PSMD6: variants seen among roughly 807,000 people sequenced by gnomAD.
PSMD6 encodes the protein 26S proteasome non-ATPase regulatory subunit 6.
PSMD6 carries 7 observed loss-of-function variants against 44.9 expected under a neutral mutation model. The ratio of observed to expected loss-of-function variants is 0.16; its 90% CI spans 0.09 to 0.29. The LOEUF (loss-of-function observed/expected upper bound fraction) is 0.29. PSMD6 is among the 10% of genes least tolerant of loss of function. The pLI, the probability that PSMD6 is intolerant of heterozygous loss-of-function variation, is 1.00. For missense variants in PSMD6, 420 were observed against 482.6 expected, an observed-to-expected ratio of 0.87 and a Z score of 1.21; for synonymous variants, 184 against 172.7, an observed-to-expected ratio of 1.07 and a Z score of -0.51.
chr3:64,019,539 G>A, intron 2 of PSMD6, 98 bp from the exon 3 acceptor site: 3 of 1,349,076 alleles, frequency 2.2e-6, no homozygotes, highest in African/African-American at 2.9e-5. Flanking sequence ...GAGGGAAGAG[G>A]TAGGAGTAGA....
intron 5 of PSMD6, chr3:64,018,377 A>C (rs1395368375): frequency 5.2e-6 from 2 of 386,764 alleles, no homozygotes; most frequent in Admixed American, 4.2e-5. Flanking sequence ...CAACACTTTA[A>C]AAATGTAAAA....
At chr3:64,020,236 T>G (rs894167073) in intron 2 of PSMD6, among the ~76,000 whole-genome samples, 2 of 152,018 alleles carry the variant, frequency 1.3e-5, no homozygotes, top group Non-Finnish European at 2.9e-5. Flanking sequence ...CTTAGCACCA[T>G]AAAGAATAAG....
At chr3:64,011,060 TCCCTTCAAG>T (rs2106835123) in intron 6 of PSMD6, 105 bp from the exon 7 acceptor site, 1 of 947,484 alleles carries the variant, frequency 1.1e-6, no homozygotes, top group East Asian at 2.5e-5. Flanking sequence ...ACATTTAGCT[TCCCTTCAAG>T]CTTGTTATTG....
rs778717130 is a variant in PSMD6, at chr3:64,018,581, TATCA to T, written c.826+14_826+17del. 1 of 1,499,042 alleles carries T rather than the reference TATCA, an allele frequency of 6.7e-7. No individual in the cohort carries two copies. Among genetic ancestry groups the T allele is most frequent in the South Asian group, 1.2e-5 (1 of 84,984 alleles). 92.9% of individuals were successfully genotyped at this position (1,499,042 alleles called of 1,614,324 possible). ...TAAGATGAAGACAGATAATCAAAAA[TATCA>T]ACCCTATCCTTACCTAATGATTGGA... On this transcript the variant is annotated intron_variant, in intron 5 of 7. Coordinates refer to ENST00000295901, the MANE Select transcript of PSMD6 (RefSeq NM_014814.3).
chr3:64,020,399 A>G (rs565299970), intron 2 of PSMD6, among the ~76,000 whole-genome samples: 42 of 152,320 alleles, frequency 2.8e-4, no homozygotes, highest in Non-Finnish European at 4.6e-4. Context: ...CAGAGGAAAT[A>G]TAATATTAGA....
intron 5 of PSMD6, chr3:64,014,839 C>T (rs1576028399): frequency 1.3e-5 from 2 of 152,218 alleles, no homozygotes; most frequent in African/African-American, 4.8e-5. Context: ...TGAATTTGTC[C>T]ATCACTGCCA....
chr3:64,021,191 G>A (rs899835178), intron 2 of PSMD6, among the ~76,000 whole-genome samples: 2 of 152,132 alleles, frequency 1.3e-5, no homozygotes, highest in African/African-American at 4.8e-5. Context: ...GCAGCAGTTT[G>A]CTAAAGCAAA....
upstream of PSMD6, chr3:64,023,643 CT>C (rs919325859): frequency 2.4e-5 from 35 of 1,437,368 alleles, no homozygotes; most frequent in Non-Finnish European, 3.0e-5. Context: ...TCAAGGCCCC[CT>C]GCGGAGTCCC....
rs1408509947 is a variant in PSMD6, at chr3:64,010,602, G to GTGAAGTAA, written c.*58_*65dup. On this transcript the variant is annotated 3_prime_UTR_variant, in exon 8 of 8. Coordinates refer to ENST00000295901, the MANE Select transcript of PSMD6 (RefSeq NM_014814.3). ...TTTATACAGCTGACCTGGGCACATT[G>GTGAAGTAA]TGAAGTAAGCTATAAAAATTCCAAA... 8.4e-7 allele frequency: 1 copy of GTGAAGTAA among 1,184,316 alleles called. No homozygotes were observed. Among genetic ancestry groups the GTGAAGTAA allele is most frequent in the East Asian group, 2.4e-5 (1 of 41,214 alleles). The allele number at this position is 1,184,316 out of a possible 1,614,324, so 73.4% of individuals were successfully genotyped here.
intron 5 of PSMD6, chr3:64,015,993 C>T (rs2076037573): frequency 6.6e-6 from 1 of 152,052 alleles, no homozygotes; most frequent in Non-Finnish European, 1.5e-5. Flanking sequence ...CAAGACGATC[C>T]TGGCTAACAC....
At chr3:64,023,837 T>A (rs1167976090), upstream of PSMD6, 1 of 1,466,484 alleles carries the variant, frequency 6.8e-7, no homozygotes, top group East Asian at 2.5e-5. Flanking sequence ...CTCATTCATC[T>A]TATTAAAATC....
intron 5 of PSMD6, chr3:64,016,911 T>C (rs2076052990): frequency 6.6e-6 from 1 of 152,144 alleles, no homozygotes; most frequent in African/African-American, 2.4e-5. Context: ...CAAAAATCTA[T>C]GAACTAATGA....
intron 1 of PSMD6, chr3:64,022,782 C>A: frequency 5.2e-6 from 8 of 1,536,240 alleles, no homozygotes; most frequent in Non-Finnish European, 6.1e-6. Flanking sequence ...TTTGCTCTTG[C>A]CGGATTCTGT....
chr3:64,022,502 G>C lies in PSMD6; in HGVS notation c.167C>G (p.Ala56Gly), dbSNP rs773555838. The change falls in exon 2 of 8, where the codon GCC becomes GGC. Residue 56 changes from alanine (A) to glycine (G), a missense_variant. This residue lies in a region of PSMD6 where 136 missense variants were observed against 124.2 expected (regional missense o/e 1.09). Transcript: ENST00000295901. The part of the protein sequence containing the change: ...RDNNMAPYYE[A>G]LCKSLDWQID... ...CTGCCAGTCGAGGGATTTGCACAAG[G>C]CTTCATAGTAAGGAGCCATGTCTAA... is the stretch of plus-strand genomic sequence containing the variant. 1.9e-6 allele frequency: 3 copies of C among 1,613,914 alleles called. No homozygotes were observed. Among genetic ancestry groups the C allele is most frequent in the East Asian group, 2.2e-5 (1 of 44,878 alleles).
intron 6 of PSMD6, 106 bp downstream of exon 6, chr3:64,013,333 G>T: frequency 8.4e-7 from 1 of 1,196,592 alleles, no homozygotes; most frequent in Non-Finnish European, 1.1e-6. Context: ...TCCCCTCCCC[G>T]TTAAGATTGA....
intron 2 of PSMD6, among the ~76,000 whole-genome samples, chr3:64,020,501 G>C (rs559774215): frequency 7.2e-5 from 11 of 152,214 alleles, no homozygotes; most frequent in Admixed American, 2.6e-4. Flanking sequence ...TCATTCATAT[G>C]TAATATATTA....
chr3:64,012,239 T>TAA (rs2075969247), intron 6 of PSMD6: 1 of 152,158 alleles, frequency 6.6e-6, no homozygotes, highest in Non-Finnish European at 1.5e-5. Context: ...TGGTCTTATT[T>TAA]AAAAGAAATG....
chr3:64,022,259 G>C (rs921594543), intron 2 of PSMD6, 59 bp downstream of exon 2: 4 of 1,560,878 alleles, frequency 2.6e-6, no homozygotes, highest in East Asian at 2.2e-5. Flanking sequence ...CGATTACCTG[G>C]AATAGTCTCC....
At chr3:64,018,281 C>T in intron 5 of PSMD6, 1 of 187,632 alleles carries the variant, frequency 5.3e-6, no homozygotes, top group South Asian at 1.2e-4. Context: ...AGGGGTCTGG[C>T]AAATACCCTC....
Sources: gnomAD v4.1 joint callset for allele counts (sites outside exome capture counted in the v4.1 genomes callset) on GRCh38, gnomAD v4.1.1 for gene constraint, gnomAD v4.1.1 regional missense constraint, MANE v1.5 for transcripts, NCBI Gene and HGNC (gene_info 2026-07-23, HGNC 2026-07-21) for gene names.